Variants in CDH9 observed in about 807,000 individuals in gnomAD.
The protein encoded by CDH9 is cadherin-9.
Under a neutral mutation model 70.9 loss-of-function variants are expected in CDH9, and 28 were observed. That is an observed-to-expected ratio of 0.40 (90% CI 0.29 to 0.54). CDH9 has a LOEUF of 0.54. Ranked by LOEUF, CDH9 falls within the 20% of genes least tolerant of loss-of-function variation. CDH9 has a pLI of 0.59. For missense variants in CDH9, 874 were observed against 984.4 expected (o/e 0.89, Z 1.50); for synonymous variants, 409 against 343.1 (o/e 1.19, Z -2.12).
chr5:27,025,133 T>A (rs2112129578), intron 1 of CDH9, among the ~76,000 whole-genome samples: 1 of 152,208 alleles, frequency 6.6e-6, no homozygotes, highest in Non-Finnish European at 1.5e-5. Flanking sequence ...ATGTGTAATC[T>A]ATTGTGTAGA....
At chr5:26,965,182 T>A (rs891053954) in intron 2 of CDH9, among the ~76,000 whole-genome samples, 3 of 152,084 alleles carry the variant, frequency 2.0e-5, no homozygotes. Flanking sequence ...AGTTATTCTA[T>A]CAAAAAAATG....
Position 26,902,565 on chromosome 5 carries a change from G to A in CDH9, c.1164C>T (p.Tyr388=), listed in dbSNP as rs201926799. The A allele has an allele frequency of 1.2e-4, 193 of 1,593,328 alleles. No individual in the cohort carries two copies. The highest frequency in any genetic ancestry group is 1.5e-4 in the Non-Finnish European group (173 of 1,161,616). ...TTACATCTTCATCTACTTCTATCAA[G>A]TAAGAGACTTTAGTGAACACAGGAG... The part of the protein sequence containing the change: ...DEPPVFTKVS[Y]LIEVDEDVKE... The change falls in exon 7 of 12, where the codon TAC becomes TAT. Residue 388 remains tyrosine (Y), a synonymous_variant. Transcript: ENST00000231021.
At chr5:26,919,535 C>T (rs770751218) in intron 2 of CDH9, among the ~76,000 whole-genome samples, 11 of 152,120 alleles carry the variant, frequency 7.2e-5, no homozygotes, top group Non-Finnish European at 1.5e-4. Context: ...GTGCCTTGCT[C>T]GGCTCAGAGC....
At chr5:27,011,423 A>G (rs914272006) in intron 1 of CDH9, among the ~76,000 whole-genome samples, 4 of 152,058 alleles carry the variant, frequency 2.6e-5, no homozygotes, top group Non-Finnish European at 5.9e-5. Context: ...GAAGATGACC[A>G]TGTGAAGAAG....
intron 1 of CDH9, among the ~76,000 whole-genome samples, chr5:26,998,939 T>A (rs988477322): frequency 6.6e-6 from 1 of 151,996 alleles, no homozygotes; most frequent in Non-Finnish European, 1.5e-5. Context: ...AAGATATGCA[T>A]CTATGTCTTT....
intron 5 of CDH9, 71 bp downstream of exon 5, chr5:26,905,888 G>T: frequency 8.9e-7 from 1 of 1,128,302 alleles, no homozygotes; most frequent in Non-Finnish European, 1.3e-6. Context: ...AGTATGAAAT[G>T]TGAATATTAA....
chr5:26,948,042 C>T (rs1741783267), intron 2 of CDH9, among the ~76,000 whole-genome samples: 1 of 151,784 alleles, frequency 6.6e-6, no homozygotes, highest in Admixed American at 6.6e-5. Context: ...AGAAATTGGT[C>T]CCCACCTTCA....
intron 7 of CDH9, among the ~76,000 whole-genome samples, chr5:26,901,589 A>G (rs2111986496): frequency 6.6e-6 from 1 of 152,014 alleles, no homozygotes; most frequent in African/African-American, 2.4e-5. Context: ...TAACTAATTA[A>G]ATGTTAAGCA....
At chr5:26,893,747 T>C (rs1342213178) in intron 7 of CDH9, among the ~76,000 whole-genome samples, 1 of 152,090 alleles carries the variant, frequency 6.6e-6, no homozygotes, top group Non-Finnish European at 1.5e-5. Context: ...TAGCCAACAA[T>C]TGTTTGTCAG....
intron 1 of CDH9, among the ~76,000 whole-genome samples, chr5:27,023,822 C>T (rs1743178811): frequency 6.6e-6 from 1 of 151,726 alleles, no homozygotes; most frequent in South Asian, 2.1e-4. Flanking sequence ...GAGGCTGAGG[C>T]CAGCGGATCA....
chr5:27,037,531 T>C lies in CDH9; in HGVS notation c.-50+932A>G, dbSNP rs115744412. Among the ~76,000 whole-genome samples the C allele has an allele frequency of 4.4e-3, 666 of 152,062 alleles. 7 individuals carry two copies. The highest frequency in any genetic ancestry group is 6.7e-3 in the Non-Finnish European group (452 of 67,918). On this transcript the variant is annotated intron_variant, in intron 1 of 11. Transcript: ENST00000231021. ...TCACCCTGGTAACAGTCTCTAACTG[T>C]CAATACTAAAGAATTTTGATGACCT...
chr5:26,960,362 C>T (rs1405455964), intron 2 of CDH9, among the ~76,000 whole-genome samples: 1 of 151,874 alleles, frequency 6.6e-6, no homozygotes, highest in Non-Finnish European at 1.5e-5. Context: ...TCTAAAATAA[C>T]CGAAAGGTTT....
At chr5:26,903,585 A>G in intron 6 of CDH9, 52 bp downstream of exon 6, 1 of 1,222,506 alleles carries the variant, frequency 8.2e-7, no homozygotes, top group Non-Finnish European at 1.2e-6. Context: ...ACTGAAAAGC[A>G]AACGTAAATT....
chr5:27,031,794 C>T (rs577336032), intron 1 of CDH9, among the ~76,000 whole-genome samples: 12 of 151,968 alleles, frequency 7.9e-5, no homozygotes, highest in African/African-American at 2.9e-4. Flanking sequence ...GACTCCCACG[C>T]CTCTCGTGTC....
intron 2 of CDH9, among the ~76,000 whole-genome samples, chr5:26,974,814 T>TCG (rs1554001500): frequency 3.3e-5 from 5 of 150,060 alleles, no homozygotes; most frequent in Admixed American, 2.0e-4. Flanking sequence ...AGTTACCCTT[T>TCG]TGTGTGTGTG....
intron 2 of CDH9, among the ~76,000 whole-genome samples, chr5:26,987,793 ACTAT>A (rs900437764): frequency 7.2e-5 from 11 of 152,048 alleles, no homozygotes; most frequent in Admixed American, 5.3e-4. Flanking sequence ...ATTATGAAAA[ACTAT>A]CAATCGATCT....
intron 1 of CDH9, among the ~76,000 whole-genome samples, chr5:26,999,480 T>A (rs966616614): frequency 6.6e-6 from 1 of 152,136 alleles, no homozygotes; most frequent in Non-Finnish European, 1.5e-5. Context: ...ATTTCCAAAC[T>A]TGCTATGTAG....
chr5:26,892,378 G>T (rs1481827252), intron 7 of CDH9, among the ~76,000 whole-genome samples: 6 of 152,090 alleles, frequency 3.9e-5, no homozygotes, highest in Non-Finnish European at 8.8e-5. Context: ...CTGAGATTGT[G>T]CATTTTTAAC....
chr5:26,889,091 A>C (rs1740612615), intron 9 of CDH9, among the ~76,000 whole-genome samples: 1 of 152,128 alleles, frequency 6.6e-6, no homozygotes, highest in Non-Finnish European at 1.5e-5. Context: ...ATTTCAGTTT[A>C]TTTTCTACCT....
Sources: gnomAD v4.1 joint callset for allele counts (sites outside exome capture counted in the v4.1 genomes callset) on GRCh38, gnomAD v4.1.1 for gene constraint, MANE v1.5 for transcripts, NCBI Gene and HGNC (gene_info 2026-07-23, HGNC 2026-07-21) for gene names.